The following CSGALNACT1 variants were observed in gnomAD, a reference collection of about 807,000 sequenced individuals.
CSGALNACT1 encodes the protein beta4GalNAcT-1.
Under a neutral mutation model 51.0 loss-of-function variants are expected in CSGALNACT1, and 52 were observed. The ratio of observed to expected loss-of-function variants is 1.02; its 90% CI spans 0.82 to 1.29. The LOEUF is 1.29. Among genes scored for constraint, CSGALNACT1 ranks in the 50% most tolerant of loss-of-function variants. The pLI, the probability that CSGALNACT1 is intolerant of heterozygous loss-of-function variation, is 0.00. For synonymous variants in CSGALNACT1, 341 were observed against 254.4 expected (o/e 1.34, Z -3.24); for missense variants, 935 against 679.2 (o/e 1.38, Z -4.19).
intron 3 of CSGALNACT1, among the ~76,000 whole-genome samples, chr8:19,516,790 A>G (rs777686848): frequency 1.3e-5 from 2 of 152,180 alleles, no homozygotes; most frequent in Non-Finnish European, 2.9e-5. Context: ...TTAGGCTTCC[A>G]TGATGGGAGC....
At chr8:19,516,589 C>A (rs977062111) in intron 3 of CSGALNACT1, among the ~76,000 whole-genome samples, 1 of 152,268 alleles carries the variant, frequency 6.6e-6, no homozygotes, top group Non-Finnish European at 1.5e-5. Flanking sequence ...CAAACTCACA[C>A]TATCCTGACA....
intron 4 of CSGALNACT1, among the ~76,000 whole-genome samples, chr8:19,478,275 G>A (rs1233972189): frequency 2.6e-5 from 4 of 152,036 alleles, no homozygotes; most frequent in African/African-American, 9.7e-5. Context: ...TTGGCCGGGT[G>A]TGGTGGCGGG....
chr8:19,621,323 A>C (rs750033286), intron 1 of CSGALNACT1, among the ~76,000 whole-genome samples: 3 of 152,148 alleles, frequency 2.0e-5, no homozygotes, highest in Non-Finnish European at 2.9e-5. Context: ...GTTTATTATA[A>C]ATTTTACTGA....
At chr8:19,742,207 A>C (rs2064359276) in intron 1 of CSGALNACT1, among the ~76,000 whole-genome samples, 1 of 152,022 alleles carries the variant, frequency 6.6e-6, no homozygotes, top group Non-Finnish European at 1.5e-5. Context: ...TAGACAAAAC[A>C]ACTGAGGCTC....
intron 1 of CSGALNACT1, among the ~76,000 whole-genome samples, chr8:19,748,895 G>T (rs183602413): frequency 1.4e-4 from 22 of 151,876 alleles, no homozygotes; most frequent in African/African-American, 4.8e-4. Flanking sequence ...AACCCGGGAG[G>T]CAGAGGTTGC....
At chr8:19,524,090 T>C (rs968689073) in intron 3 of CSGALNACT1, among the ~76,000 whole-genome samples, 4 of 152,128 alleles carry the variant, frequency 2.6e-5, no homozygotes, top group Non-Finnish European at 4.4e-5. Context: ...GGCCAGGAGT[T>C]TGAGACAAGC....
At chr8:19,683,918 C>G (rs1401286574), upstream of CSGALNACT1, among the ~76,000 whole-genome samples, 1 of 152,074 alleles carries the variant, frequency 6.6e-6, no homozygotes, top group Non-Finnish European at 1.5e-5. Flanking sequence ...GTAATCCCAG[C>G]ACTTTGGAAG....
chr8:19,712,667 T>C (rs2062579318), intron 1 of CSGALNACT1, among the ~76,000 whole-genome samples: 1 of 152,166 alleles, frequency 6.6e-6, no homozygotes, highest in East Asian at 1.9e-4. Context: ...TGCCAACCAC[T>C]GCGTTTCTTA....
chr8:19,704,864 A>T (rs780042613), intron 1 of CSGALNACT1, among the ~76,000 whole-genome samples: 5 of 152,212 alleles, frequency 3.3e-5, no homozygotes, highest in Non-Finnish European at 7.3e-5. Context: ...ACATTGCTCA[A>T]TCTCATTTCA....
chr8:19,622,758 G>C (rs2053978388), intron 1 of CSGALNACT1, among the ~76,000 whole-genome samples: 1 of 151,750 alleles, frequency 6.6e-6, no homozygotes, highest in Admixed American at 6.6e-5. Context: ...ATAAAGAGGG[G>C]GGAAATAAAA....
At chr8:19,556,840 A>C (rs898186038) in intron 3 of CSGALNACT1, among the ~76,000 whole-genome samples, 18 of 152,150 alleles carry the variant, frequency 1.2e-4, no homozygotes, top group African/African-American at 4.1e-4. Context: ...AACAGGATGA[A>C]GTTTCCAGAT....
chr8:19,501,605 G>A lies in CSGALNACT1; in HGVS notation c.634+3596C>T, dbSNP rs148797360. 3.4e-3 allele frequency among the ~76,000 whole-genome samples: 523 copies of A among 152,318 alleles called. 3 individuals are homozygous for A. The highest frequency in any genetic ancestry group is 0.012 in the African/African-American group (501 of 41,564). ...CTGGTGACAGAAGAGCAAACCCATG[G>A]AAATGGTAGACACAAATGCCTCACA... On this transcript the variant is annotated intron_variant, in intron 4 of 9. Coordinates refer to ENST00000454498, the Ensembl canonical transcript of CSGALNACT1.
At chr8:19,637,088 C>T (rs1018410218) in intron 1 of CSGALNACT1, among the ~76,000 whole-genome samples, 1 of 152,076 alleles carries the variant, frequency 6.6e-6, no homozygotes, top group African/African-American at 2.4e-5. Flanking sequence ...TAATCCCTCA[C>T]TTTACTACTC....
At chr8:19,563,887 A>G (rs1320200133) in intron 3 of CSGALNACT1, among the ~76,000 whole-genome samples, 2 of 151,604 alleles carry the variant, frequency 1.3e-5, no homozygotes, top group African/African-American at 4.8e-5. Context: ...GTCCTCCCCA[A>G]CCCTAGACTC....
chr8:19,446,492 T>C (rs897656876), intron 5 of CSGALNACT1, among the ~76,000 whole-genome samples: 1 of 151,884 alleles, frequency 6.6e-6, no homozygotes, highest in African/African-American at 2.4e-5. Context: ...CCTGGAAGCC[T>C]GAAAATTCAT....
chr8:19,668,747 C>G (rs2059570824), intron 1 of CSGALNACT1, among the ~76,000 whole-genome samples: 1 of 152,098 alleles, frequency 6.6e-6, no homozygotes, highest in African/African-American at 2.4e-5. Context: ...GAGATGGGGT[C>G]TCACCATGTT....
chr8:19,416,109 C>T (rs150614796), intron 8 of CSGALNACT1, among the ~76,000 whole-genome samples: 9 of 116,718 alleles, frequency 7.7e-5, no homozygotes, highest in South Asian at 2.9e-4. Context: ...GAAATGAAAA[C>T]TTTTTTTTTT....
intron 1 of CSGALNACT1, among the ~76,000 whole-genome samples, chr8:19,722,056 G>T (rs1417334405): frequency 2.0e-5 from 3 of 151,958 alleles, no homozygotes; most frequent in Non-Finnish European, 4.4e-5. Flanking sequence ...ATTTAAAACT[G>T]ATTAATTCAT....
chr8:19,420,517 C>T (rs2057751487), exon 7 of CSGALNACT1: 1 of 1,613,872 alleles, frequency 6.2e-7, no homozygotes, highest in Non-Finnish European at 8.5e-7. Flanking sequence ...AAGTTGGCAG[C>T]TCTGAAAGGC....
Sources: allele counts gnomAD v4.1 joint callset (sites outside exome capture counted in the v4.1 genomes callset), GRCh38; gene constraint gnomAD v4.1.1; transcripts MANE v1.5; gene names NCBI Gene and HGNC (gene_info 2026-07-23, HGNC 2026-07-21).